Variants in KCNH8 observed in about 807,000 individuals in gnomAD.
KCNH8 encodes voltage-gated delayed rectifier potassium channel KCNH8.
KCNH8 carries 70 observed loss-of-function variants against 103.6 expected under a neutral mutation model. That is an observed-to-expected ratio of 0.68 (90% CI 0.56 to 0.82). The LOEUF is 0.82. Ranked by LOEUF, KCNH8 falls within the 40% of genes least tolerant of loss-of-function variation. The pLI is 0.00. For missense variants in KCNH8, 1,217 were observed against 1,329.9 expected (o/e 0.92, Z 1.32); for synonymous variants, 498 against 489.4 (o/e 1.02, Z -0.23).
intron 3 of KCNH8, among the ~76,000 whole-genome samples, chr3:19,313,551 A>G (rs2065233404): frequency 6.6e-6 from 1 of 151,948 alleles, no homozygotes; most frequent in Admixed American, 6.6e-5. Flanking sequence ...CTGTTTTCCA[A>G]ATCTCCCATC....
At chr3:19,439,853 T>C (rs998677069) in intron 8 of KCNH8, among the ~76,000 whole-genome samples, 3 of 150,750 alleles carry the variant, frequency 2.0e-5, no homozygotes, top group Non-Finnish European at 2.9e-5. Flanking sequence ...GGAATAGATA[T>C]TGCAAAGAAT....
chr3:19,165,505 G>A lies in KCNH8; in HGVS notation c.76+16710G>A, dbSNP rs182906573. Among the ~76,000 whole-genome samples the A allele has an allele frequency of 3.1e-3, 466 of 152,144 alleles. 1 individual carries two copies. Among genetic ancestry groups the A allele is most frequent in the Middle Eastern group, 0.01 (3 of 294 alleles). On this transcript the variant is annotated intron_variant, in intron 1 of 15. Transcript: ENST00000328405. ...TTTTTTTGGTCATTAGCAAGCTTTG[G>A]ACTTACAGCAGAGCTCTCAATTCTC...
In KCNH8 at chr3:19,311,751, C is replaced by T. The variant is rs1376266143; in HGVS notation, c.442+30422C>T. ...ACTGGTTCAAGGTTAGACACACAAC[C>T]CCATCAGAGCCAAAGAGACATTATG... On this transcript the variant is annotated intron_variant, in intron 3 of 15. Transcript: ENST00000328405. Among the ~76,000 whole-genome samples, 3 of 151,790 alleles carry T rather than the reference C, an allele frequency of 2.0e-5. No homozygotes were observed. In the Admixed American group the frequency reaches 2.0e-4, roughly 10 times the overall value.
chr3:19,245,047 A>G (rs865934130), intron 1 of KCNH8, among the ~76,000 whole-genome samples: 4 of 152,230 alleles, frequency 2.6e-5, no homozygotes, highest in Admixed American at 6.5e-5. Flanking sequence ...CAATATTGAG[A>G]AGGCTATTCC....
chr3:19,280,453 C>G (rs1282723239), intron 2 of KCNH8, among the ~76,000 whole-genome samples: 2 of 152,036 alleles, frequency 1.3e-5, no homozygotes, highest in Admixed American at 1.3e-4. Flanking sequence ...AACCGTTAAC[C>G]TGACTTTTAA....
In KCNH8 at chr3:19,358,261, CT is replaced by C. The variant is rs1220734978; in HGVS notation, c.811+10303del. On this transcript the variant is annotated intron_variant, in intron 5 of 15. Transcript: ENST00000328405. ...TCATTCTTTCTTTCTTTCTCTCTCT[CT>C]TTTTTTCCTTCTTCTCTCTTTCTCC... Among the ~76,000 whole-genome samples, 10 of 145,020 alleles carry C rather than the reference CT, an allele frequency of 6.9e-5. No individual in the cohort carries two copies. The East Asian group carries it at 1.4e-3, about 20-fold the overall frequency.
intron 7 of KCNH8, among the ~76,000 whole-genome samples, chr3:19,397,401 A>T (rs2066536165): frequency 6.6e-6 from 1 of 151,672 alleles, no homozygotes; most frequent in Non-Finnish European, 1.5e-5. Context: ...CTACAATGTG[A>T]AAAAGCTCAC....
At chr3:19,516,121 AAAACAATTACCAGC>A (rs1201206471) in intron 14 of KCNH8, among the ~76,000 whole-genome samples, 4 of 152,084 alleles carry the variant, frequency 2.6e-5, no homozygotes, top group Non-Finnish European at 5.9e-5. Flanking sequence ...GAGACAATCC[AAAACAATTACCAGC>A]AAACTACCTA....
intron 2 of KCNH8, among the ~76,000 whole-genome samples, chr3:19,271,565 G>T (rs183819182): frequency 6.6e-6 from 1 of 152,124 alleles, no homozygotes; most frequent in East Asian, 1.9e-4. Context: ...TGTTTTTATG[G>T]TTAAATAAAT....
intron 5 of KCNH8, among the ~76,000 whole-genome samples, chr3:19,360,126 T>C (rs1004575343): frequency 3.3e-5 from 5 of 151,862 alleles, no homozygotes; most frequent in Admixed American, 6.6e-5. Context: ...CAAATGAAAA[T>C]AAGAACAATG....
At chr3:19,324,581 C>G (rs2065395337) in intron 3 of KCNH8, among the ~76,000 whole-genome samples, 1 of 151,934 alleles carries the variant, frequency 6.6e-6, no homozygotes, top group East Asian at 2.0e-4. Context: ...AACGAATTCT[C>G]ACTCACAGTT....
intron 7 of KCNH8, among the ~76,000 whole-genome samples, chr3:19,423,603 T>C (rs1353613817): frequency 6.6e-6 from 1 of 151,684 alleles, no homozygotes; most frequent in East Asian, 1.9e-4. Flanking sequence ...AATGCCATTA[T>C]TTCATTGCTT....
intron 11 of KCNH8, among the ~76,000 whole-genome samples, chr3:19,476,702 GAGATTTGTAGTC>G (rs1471873495): frequency 3.9e-5 from 6 of 152,016 alleles, no homozygotes; most frequent in African/African-American, 1.2e-4. Flanking sequence ...TCATTGCTGA[GAGATTTGTAGTC>G]AGTTTTCTTC....
intron 11 of KCNH8, among the ~76,000 whole-genome samples, chr3:19,470,065 A>AT (rs144085214): frequency 0.048 from 7,303 of 151,778 alleles, 518 homozygotes; most frequent in African/African-American, 0.15. Context: ...ATTATATTTA[A>AT]TTTTTTTTTA....
intron 11 of KCNH8, among the ~76,000 whole-genome samples, chr3:19,490,165 GCTGA>G (rs577783855): frequency 5.3e-4 from 81 of 152,360 alleles, no homozygotes; most frequent in African/African-American, 1.4e-3. Context: ...GCAGGCCTAA[GCTGA>G]CTAAGGGGCT....
chr3:19,279,984 C>G (rs2064735246), intron 2 of KCNH8, among the ~76,000 whole-genome samples: 1 of 151,998 alleles, frequency 6.6e-6, no homozygotes, highest in African/African-American at 2.4e-5. Flanking sequence ...GTCTTTTTCC[C>G]CTCATCAAAA....
chr3:19,336,326 A>G (rs1365010641), intron 3 of KCNH8, among the ~76,000 whole-genome samples: 2 of 151,804 alleles, frequency 1.3e-5, no homozygotes, highest in Admixed American at 1.3e-4. Flanking sequence ...AAATTATACA[A>G]AAATTTAGTA....
intron 1 of KCNH8, among the ~76,000 whole-genome samples, chr3:19,243,312 G>A (rs1410694416): frequency 6.6e-6 from 1 of 152,030 alleles, no homozygotes; most frequent in Non-Finnish European, 1.5e-5. Context: ...CTTGCCTTAA[G>A]CAAGTATCAC....
At chr3:19,202,807 A>G (rs2063676961) in intron 1 of KCNH8, among the ~76,000 whole-genome samples, 1 of 152,162 alleles carries the variant, frequency 6.6e-6, no homozygotes, top group African/African-American at 2.4e-5. Flanking sequence ...GTTTATTGAA[A>G]TGTTAGGTAC....
Sources: gnomAD v4.1 joint callset for allele counts (sites outside exome capture counted in the v4.1 genomes callset) on GRCh38, gnomAD v4.1.1 for gene constraint, MANE v1.5 for transcripts, NCBI Gene and HGNC (gene_info 2026-07-23, HGNC 2026-07-21) for gene names.